LILRA1: variants seen among roughly 807,000 people sequenced by gnomAD.
The protein encoded by LILRA1 is leukocyte immunoglobulin like receptor A1.
In LILRA1, 51 loss-of-function variants were observed where a neutral mutation model predicts 51.6. The observed-to-expected ratio is 0.99, with a 90% confidence interval of 0.79 to 1.25. LILRA1 has a LOEUF of 1.25. Ranked by LOEUF, LILRA1 falls within the 50% of genes most tolerant of loss-of-function variation. The pLI, the probability that LILRA1 is intolerant of heterozygous loss-of-function variation, is 0.00. For missense variants in LILRA1, 660 were observed against 611.7 expected (o/e 1.08, Z -0.83); for synonymous variants, 305 against 248.4 (o/e 1.23, Z -2.14).
At chr19:54,599,087 C>T in intron 7 of LILRA1, 149 bp from the exon 8 acceptor site, 7 of 969,700 alleles carry the variant, frequency 7.2e-6, no homozygotes, top group South Asian at 3.1e-5. Context: ...AGCCACTGTG[C>T]CTGGCCTGAA....
intron 7 of LILRA1, among the ~76,000 whole-genome samples, chr19:54,596,754 G>A (rs1443303098): frequency 1.3e-5 from 2 of 152,010 alleles, no homozygotes; most frequent in Non-Finnish European, 2.9e-5. Flanking sequence ...GTAGTCCCAG[G>A]TACTCGGGAG....
chr19:54,600,384 C>A (rs2063142208), intron 8 of LILRA1, 128 bp from the exon 9 acceptor site: 2 of 860,820 alleles, frequency 2.3e-6, no homozygotes, highest in African/African-American at 1.7e-5. Context: ...GGAGGGAACC[C>A]TGCTACACAG....
Position 54,594,692 on chromosome 19 carries a change from C to A in LILRA1, c.98C>A (p.Ala33Asp), listed in dbSNP as rs778580384. 4.3e-6 allele frequency: 7 copies of A among 1,613,324 alleles called. No individual in the cohort carries two copies. In the Admixed American group the frequency reaches 1.0e-4, roughly 23 times the overall value. Residue 33 changes from alanine to aspartate, a missense_variant, in exon 4 of 10, where the codon GCT becomes GAT. Coordinates refer to ENST00000251372, the MANE Select transcript of LILRA1 (RefSeq NM_006863.4). ...ACCCTCCCCAAGCCCACACTCTGGG[C>A]TGAGCCAGGCTCTGTGATCACCCAG... ...AGTLPKPTLW[A>D]EPGSVITQGS...
At chr19:54,593,896 C>A (rs1415943777) in intron 1 of LILRA1, 115 bp downstream of exon 1, 4 of 583,822 alleles carry the variant, frequency 6.9e-6, no homozygotes, top group African/African-American at 1.9e-5. Context: ...AGGGCAGACG[C>A]AGAAAGCACC....
At chr19:54,599,343 A>G (rs1171488862) in intron 8 of LILRA1, 57 bp downstream of exon 8, 2 of 1,519,058 alleles carry the variant, frequency 1.3e-6, no homozygotes, top group Non-Finnish European at 1.8e-6. Context: ...AGGTCCTGTC[A>G]AGGGGAGCTG....
At chr19:54,594,387 G>A in intron 2 of LILRA1, 54 bp from the exon 3 acceptor site, 2 of 1,614,196 alleles carry the variant, frequency 1.2e-6, no homozygotes, top group Non-Finnish European at 1.7e-6. Context: ...CCCAGGGAGG[G>A]GAGGACCTGC....
chr19:54,594,133 G>C (rs28693727), intron 1 of LILRA1, 64 bp from the exon 2 acceptor site: 86,860 of 1,417,414 alleles, frequency 0.061, 5,099 homozygotes, highest in African/African-American at 0.33. Context: ...CCCAGCCTCC[G>C]AGTGTCCACA....
chr19:54,599,571 C>T, intron 8 of LILRA1: 1 of 1,124,522 alleles, frequency 8.9e-7, no homozygotes, highest in Non-Finnish European at 1.1e-6. Context: ...AATGGATCTC[C>T]TCTAATTTAC....
chr19:54,599,120 C>T (rs1327604689), intron 7 of LILRA1, 116 bp from the exon 8 acceptor site: 1 of 1,253,062 alleles, frequency 8.0e-7, no homozygotes, highest in African/African-American at 1.6e-5. Context: ...AATGTCTACC[C>T]AGGACACCCA....
chr19:54,597,813 AC>A (rs1397191062), intron 7 of LILRA1, among the ~76,000 whole-genome samples: 1 of 150,416 alleles, frequency 6.6e-6, no homozygotes, highest in Non-Finnish European at 1.5e-5. Context: ...GGTGAAGTCC[AC>A]CCCGAGCAGA....
chr19:54,595,620 C>T lies in LILRA1; in HGVS notation c.662-19C>T, dbSNP rs777456996. On this transcript the variant is annotated intron_variant, in intron 5 of 9. Transcript: ENST00000251372. Reference sequence around the variant, plus strand: ...AGCCTGAGGGTCGGCTCCTGGAAACCATGAGCACCTTTTCCCAGGTGTTTC... The same window carrying T: ...AGCCTGAGGGTCGGCTCCTGGAAACTATGAGCACCTTTTCCCAGGTGTTTC... 2 of 1,595,638 alleles carry T rather than the reference C, an allele frequency of 1.3e-6. No individual in the cohort carries two copies. The highest frequency in any genetic ancestry group is 1.7e-6 in the Non-Finnish European group (2 of 1,168,770).
At chr19:54,594,593 G>A (rs1371905254) in intron 3 of LILRA1, 72 bp from the exon 4 acceptor site, 1 of 1,609,338 alleles carries the variant, frequency 6.2e-7, no homozygotes, top group Non-Finnish European at 8.5e-7. Context: ...GGCATCTGGA[G>A]GGTCCTGGGC....
At position 54,594,868 on chromosome 19, in the gene LILRA1, C is replaced by G; in HGVS notation, c.274C>G (p.His92Asp). The G allele has an allele frequency of 6.2e-7, 1 of 1,614,166 alleles. No homozygotes were observed. Among genetic ancestry groups the G allele is most frequent in the Non-Finnish European group, 8.5e-7 (1 of 1,180,002 alleles). The change falls in exon 4 of 10, where the codon CAC (histidine) becomes GAC (aspartate). Residue 92 changes from histidine to aspartate, a missense_variant. Coordinates refer to ENST00000251372, the MANE Select transcript of LILRA1 (RefSeq NM_006863.4). Reference protein sequence around the residue: ...QFPIPSITWEHTGRYRCFYGS... With the variant: ...QFPIPSITWEDTGRYRCFYGS... ...CCCCATCCCATCCATCACCTGGGAACACACAGGGCGGTATCGCTGTTTCTA... is the reference window on the plus strand; with the variant it reads ...CCCCATCCCATCCATCACCTGGGAAGACACAGGGCGGTATCGCTGTTTCTA...
intron 7 of LILRA1, among the ~76,000 whole-genome samples, chr19:54,596,937 G>A (rs2063071339): frequency 6.6e-6 from 1 of 152,098 alleles, no homozygotes. Flanking sequence ...CCCATGGGAG[G>A]GTGGAAATAG....
At chr19:54,596,695 T>C (rs1470965236) in intron 7 of LILRA1, among the ~76,000 whole-genome samples, 1 of 151,780 alleles carries the variant, frequency 6.6e-6, no homozygotes, top group African/African-American at 2.4e-5. Context: ...GTGAACCCCG[T>C]CTCCACTAAA....
In LILRA1 at chr19:54,601,853, C is replaced by A. The variant is rs1019209806; in HGVS notation, c.*1036C>A. 3 of 152,182 alleles carry A rather than the reference C, an allele frequency of 2.0e-5. No individual in the cohort carries two copies. Among genetic ancestry groups the A allele is most frequent in the African/African-American group, 7.2e-5 (3 of 41,424 alleles). 9.4% of individuals were successfully genotyped at this position (152,182 alleles called of 1,614,324 possible). A position where few individuals can be genotyped will look rare whatever the true frequency, so the allele number is the denominator to read the frequency against. On this transcript the variant is annotated 3_prime_UTR_variant, in exon 10 of 10. Transcript: ENST00000251372. Reference sequence around the variant, plus strand: ...AACAGCAAGAGGACTTGAGTCCTAGCATTAAAGAGTTCAACATGTCTAGGT... The same window carrying A: ...AACAGCAAGAGGACTTGAGTCCTAGAATTAAAGAGTTCAACATGTCTAGGT...
chr19:54,601,751 T>C lies in LILRA1; in HGVS notation c.*934T>C, dbSNP rs2063164568. The C allele has an allele frequency of 6.6e-6, 1 of 152,206 alleles. No homozygotes were observed. Among genetic ancestry groups the C allele is most frequent in the African/African-American group, 2.4e-5 (1 of 41,432 alleles). 9.4% of individuals were successfully genotyped at this position (152,206 alleles called of 1,614,324 possible). A position where few individuals can be genotyped will look rare whatever the true frequency, so the allele number is the denominator to read the frequency against. ...TGAATCTTGACAAGCAGTTGAGCTG[T>C]TTTTTTCTACTCACCTAGGACAGTC... On this transcript the variant is annotated 3_prime_UTR_variant, in exon 10 of 10. Coordinates refer to ENST00000251372, the MANE Select transcript of LILRA1 (RefSeq NM_006863.4).
At chr19:54,596,021 G>A (rs1310500654) in intron 6 of LILRA1, 86 bp downstream of exon 6, 5 of 1,564,754 alleles carry the variant, frequency 3.2e-6, no homozygotes, top group Non-Finnish European at 3.5e-6. Context: ...CCGGAATGAG[G>A]GGTGGGGGTC....
At position 54,600,738 on chromosome 19, in the gene LILRA1, G is replaced by A. The variant is rs201285007; in HGVS notation, c.1391G>A (p.Arg464His). ...PQDYTVENLI[R>H]MGIAGLVLVV... ...GATTACACAGTGGAGAATCTCATCC[G>A]CATGGGCATAGCTGGCTTGGTCCTG... The change falls in exon 10 of 10, where the codon CGC (arginine) becomes CAC (histidine). Residue 464 changes from arginine (R) to histidine (H), a missense_variant. By Grantham distance (29) the Arg-to-His change is conservative. Transcript: ENST00000251372. 2.1e-4 allele frequency: 335 copies of A among 1,613,952 alleles called. No individual in the cohort carries two copies. Among genetic ancestry groups the A allele is most frequent in the Middle Eastern group, 4.9e-4 (3 of 6,084 alleles).
Sources: allele counts gnomAD v4.1 joint callset (sites outside exome capture counted in the v4.1 genomes callset), GRCh38; gene constraint gnomAD v4.1.1; transcripts MANE v1.5; gene names NCBI Gene and HGNC (gene_info 2026-07-23, HGNC 2026-07-21).